SNX29: variants seen among roughly 807,000 people sequenced by gnomAD.
The protein encoded by SNX29 is sorting nexin 29, also known as sorting nexin-29.
A neutral mutation model predicts 102.1 loss-of-function variants in SNX29; 78 were observed. The observed-to-expected ratio is 0.76, with a 90% CI of 0.64 to 0.92. The LOEUF (loss-of-function observed/expected upper bound fraction) is 0.92. Among genes scored for constraint, SNX29 ranks in the 40% least tolerant of loss-of-function variants. SNX29 has a pLI of 0.00. For synonymous variants in SNX29, 580 were observed against 414.5 expected (o/e 1.40, Z -4.85); for missense variants, 1,280 against 1,061.7 (o/e 1.21, Z -2.86).
chr16:12,231,588 G>C (rs2077772075), intron 14 of SNX29, among the ~76,000 whole-genome samples: 1 of 152,122 alleles, frequency 6.6e-6, no homozygotes, highest in Non-Finnish European at 1.5e-5. Flanking sequence ...ACTGTAAAAT[G>C]CTGCAGGGAA....
chr16:12,170,471 G>A (rs182833984), intron 13 of SNX29, among the ~76,000 whole-genome samples: 271 of 152,038 alleles, frequency 1.8e-3, no homozygotes, highest in Non-Finnish European at 3.2e-3. Flanking sequence ...TGGGGGAGGC[G>A]TGTGGATGGG....
chr16:12,300,980 A>T (rs1366345478), intron 15 of SNX29, among the ~76,000 whole-genome samples: 1 of 152,150 alleles, frequency 6.6e-6, no homozygotes, highest in African/African-American at 2.4e-5. Flanking sequence ...TCTCACACTG[A>T]ATAAGGCCAG....
At chr16:12,327,782 C>T (rs1182075189) in intron 15 of SNX29, among the ~76,000 whole-genome samples, 2 of 152,086 alleles carry the variant, frequency 1.3e-5, no homozygotes, top group Non-Finnish European at 2.9e-5. Context: ...GCAGGGAGGA[C>T]AGGCAGGAAG....
At chr16:12,514,099 T>G (rs1179439039) in intron 19 of SNX29, among the ~76,000 whole-genome samples, 1 of 152,188 alleles carries the variant, frequency 6.6e-6, no homozygotes, top group Non-Finnish European at 1.5e-5. Context: ...GTGGTTTTGA[T>G]GAGTTCCACA....
chr16:12,201,483 C>T (rs1447899319), intron 14 of SNX29, among the ~76,000 whole-genome samples: 1 of 152,152 alleles, frequency 6.6e-6, no homozygotes, highest in East Asian at 1.9e-4. Context: ...TTATTAGAGG[C>T]TTAGGAGAGC....
At chr16:12,122,172 T>C (rs2053999790) in intron 11 of SNX29, among the ~76,000 whole-genome samples, 1 of 152,176 alleles carries the variant, frequency 6.6e-6, no homozygotes, top group Admixed American at 6.5e-5. Flanking sequence ...AGTCACTATT[T>C]CAGTGTGTCT....
intron 18 of SNX29, among the ~76,000 whole-genome samples, chr16:12,420,094 A>G (rs75289094): frequency 6.6e-6 from 1 of 152,170 alleles, no homozygotes; most frequent in African/African-American, 2.4e-5. Flanking sequence ...TCCCCTGTGC[A>G]TTATGGGATG....
At chr16:12,542,258 G>C (rs912767483) in intron 20 of SNX29, among the ~76,000 whole-genome samples, 8 of 152,042 alleles carry the variant, frequency 5.3e-5, no homozygotes, top group African/African-American at 1.9e-4. Flanking sequence ...TTATAGATGA[G>C]GAAATTGAGG....
In SNX29 at chr16:12,568,925, C is replaced by T. The variant is rs375171048; in HGVS notation, c.*296C>T. 3.1e-5 allele frequency: 13 copies of T among 418,360 alleles called. No homozygotes were observed. Among genetic ancestry groups the T allele is most frequent in the Non-Finnish European group, 4.7e-5 (11 of 235,196 alleles). The allele number at this position is 418,360 out of a possible 1,614,324, so 25.9% of individuals were successfully genotyped here. The stretch of plus-strand genomic sequence containing the variant: ...GCTGTTCCTCCACCTTTCTGTAGTT[C>T]AGGGCTGGCAGGAGGGTGGGCACCA... On this transcript the variant is annotated 3_prime_UTR_variant, in exon 21 of 21. Transcript: ENST00000566228.
Position 12,277,936 on chromosome 16 carries a change from C to T in SNX29, c.1682C>T (p.Pro561Leu), listed in dbSNP as rs1185587004. ...LKREGQTAEV[P>L]NLWSVDGEVT... is the part of the protein sequence containing the mutation. ...ACATGTCTCTCTTTCTCTAAAGTGC[C>T]AAATCTTTGGAGTGTTGATGGAGAA... The change falls in exon 15 of 21, where the codon CCA becomes CTA. Residue 561 changes from proline to leucine, a missense_variant. Coordinates refer to ENST00000566228, the MANE Select transcript of SNX29 (RefSeq NM_032167.5). The T allele has an allele frequency of 6.2e-7, 1 of 1,605,452 alleles. No homozygotes were observed. The highest frequency in any genetic ancestry group is 1.7e-5 in the Admixed American group (1 of 58,818).
At chr16:12,088,002 T>G (rs974302984) in intron 11 of SNX29, 2 of 456,656 alleles carry the variant, frequency 4.4e-6, no homozygotes, top group East Asian at 7.0e-5. Flanking sequence ...GCCATGGTCC[T>G]TTGGGGGGTA....
chr16:12,163,906 C>T (rs185579951), intron 13 of SNX29, among the ~76,000 whole-genome samples: 20 of 152,170 alleles, frequency 1.3e-4, no homozygotes, highest in Non-Finnish European at 2.4e-4. Context: ...GGACATTCTA[C>T]AGGAGTGGGG....
chr16:12,354,689 TG>T (rs746394914), intron 15 of SNX29, among the ~76,000 whole-genome samples: 1 of 152,128 alleles, frequency 6.6e-6, no homozygotes, highest in Non-Finnish European at 1.5e-5. Context: ...AGGAAGCTCG[TG>T]GGGGGTTTAT....
intron 18 of SNX29, among the ~76,000 whole-genome samples, chr16:12,456,147 A>G (rs1257968401): frequency 6.6e-6 from 1 of 152,152 alleles, no homozygotes; most frequent in Non-Finnish European, 1.5e-5. Flanking sequence ...AGTGAATAAG[A>G]CTCTGGTCAT....
intron 20 of SNX29, chr16:12,557,384 A>G (rs1239815765): frequency 6.6e-6 from 1 of 152,212 alleles, no homozygotes; most frequent in Non-Finnish European, 1.5e-5. Context: ...GCTTGCGAAT[A>G]GAAACAAGCC....
At chr16:12,484,077 T>C (rs1185909287) in intron 19 of SNX29, among the ~76,000 whole-genome samples, 1 of 152,238 alleles carries the variant, frequency 6.6e-6, no homozygotes, top group African/African-American at 2.4e-5. Context: ...GCCTGTCCCA[T>C]GGACTCCACT....
intron 14 of SNX29, among the ~76,000 whole-genome samples, chr16:12,253,786 G>A (rs569760451): frequency 3.9e-5 from 6 of 152,280 alleles, no homozygotes; most frequent in Middle Eastern, 3.4e-3. Flanking sequence ...AGGAGGGGTG[G>A]CCTCTGAGTT....
chr16:12,449,845 G>T (rs1171486506), intron 18 of SNX29, among the ~76,000 whole-genome samples: 1 of 152,172 alleles, frequency 6.6e-6, no homozygotes, highest in South Asian at 2.1e-4. Context: ...GCAGACAACA[G>T]CTGTACATTT....
chr16:12,518,566 C>T (rs1478346127), intron 19 of SNX29, among the ~76,000 whole-genome samples: 1 of 152,208 alleles, frequency 6.6e-6, no homozygotes, highest in Non-Finnish European at 1.5e-5. Flanking sequence ...TCCAGCCCTC[C>T]TGCAAACGTA....
Sources: allele counts gnomAD v4.1 joint callset (sites outside exome capture counted in the v4.1 genomes callset), GRCh38; gene constraint gnomAD v4.1.1; transcripts MANE v1.5; gene names NCBI Gene and HGNC (gene_info 2026-07-23, HGNC 2026-07-21).